The following LDB3 variants were observed in gnomAD, a reference collection of about 807,000 sequenced individuals.
LDB3 encodes LIM domain-binding protein 3.
Under a neutral mutation model 69.0 loss-of-function variants are expected in LDB3, and 49 were observed. The ratio of observed to expected loss-of-function variants is 0.71; its 90% CI spans 0.56 to 0.90. The LOEUF is 0.90. LDB3 is among the 40% of genes least tolerant of loss of function. The pLI is 0.00. For synonymous variants in LDB3, 387 were observed against 396.2 expected, an observed-to-expected ratio of 0.98 and a Z score of 0.28; for missense variants, 928 against 974.1, an observed-to-expected ratio of 0.95 and a Z score of 0.63.
upstream of LDB3, among the ~76,000 whole-genome samples, chr10:86,668,027 G>C (rs1200741480): frequency 6.6e-6 from 1 of 152,212 alleles, no homozygotes; most frequent in Non-Finnish European, 1.5e-5. Flanking sequence ...ACTGAGGTTG[G>C]CTATGCCCAG....
intron 2 of LDB3, among the ~76,000 whole-genome samples, chr10:86,674,977 A>T (rs567992781): frequency 1.3e-5 from 2 of 151,554 alleles, no homozygotes; most frequent in East Asian, 4.0e-4. Context: ...TCCCTAGAGG[A>T]GGATATCAGC....
rs769237064 is a variant in LDB3 at position 86,728,586 on chromosome 10, G to GTTTTTTTTTTGTT, written c.2094+2344_2094+2345insGTTTTTTTTTTTT. Reference sequence around the variant, plus strand: ...TAGCAAAGTGGAACATGGTTCTTTTGTTTTTTTTTTTTTTTGAGACAAAGT... The same window carrying GTTTTTTTTTTGTT: ...TAGCAAAGTGGAACATGGTTCTTTTGTTTTTTTTTTGTTTTTTTTTTTTTTTTTGAGACAAAGT... On this transcript the variant is annotated intron_variant, in intron 13 of 13. Transcript: ENST00000361373. Among the ~76,000 whole-genome samples, 436 of 131,434 alleles carry GTTTTTTTTTTGTT rather than the reference G, an allele frequency of 3.3e-3. 5 individuals carry two copies. The highest frequency in any genetic ancestry group is 0.012 in the African/African-American group (414 of 35,382). The allele number at this position is 131,434 out of a possible 152,430, so 86.2% of individuals were successfully genotyped here. A position where few individuals can be genotyped will look rare whatever the true frequency, so the allele number is the denominator to read the frequency against.
rs1351643392 is a variant in LDB3 at position 86,735,627 on chromosome 10, CA to C, written c.*2655del. The C allele has an allele frequency of 4.0e-5, 6 of 151,670 alleles. No homozygotes were observed. Among genetic ancestry groups the C allele is most frequent in the Non-Finnish European group, 8.8e-5 (6 of 67,912 alleles). 9.4% of individuals were successfully genotyped at this position (151,670 alleles called of 1,614,324 possible). A position where few individuals can be genotyped will look rare whatever the true frequency, so the allele number is the denominator to read the frequency against. On this transcript the variant is annotated 3_prime_UTR_variant, in exon 14 of 14. Transcript: ENST00000361373. ...AAACCCCATCTCTACTAAAAATACA[CA>C]AAATTAGCCAGGTGTGGTGGCAGGC...
chr10:86,728,596 T>TTGTTTTTTTTTTTG (rs199567287), intron 13 of LDB3, among the ~76,000 whole-genome samples: 4 of 149,218 alleles, frequency 2.7e-5, no homozygotes, highest in African/African-American at 9.9e-5. Flanking sequence ...GTTTTTTTTT[T>TTGTTTTTTTTTTTG]TTTTTGAGAC....
At chr10:86,682,543 G>A (rs1481838836) in intron 5 of LDB3, among the ~76,000 whole-genome samples, 1 of 152,136 alleles carries the variant, frequency 6.6e-6, no homozygotes, top group African/African-American at 2.4e-5. Context: ...CCCACACTGG[G>A]CCTGTGTTAG....
chr10:86,669,409 G>A (rs1021970992), intron 2 of LDB3, among the ~76,000 whole-genome samples: 1 of 152,218 alleles, frequency 6.6e-6, no homozygotes, highest in Admixed American at 6.5e-5. Context: ...CAAGTGCTGG[G>A]GCCTGGTGAG....
At chr10:86,682,012 C>G (rs918449018) in intron 5 of LDB3, among the ~76,000 whole-genome samples, 2 of 152,160 alleles carry the variant, frequency 1.3e-5, no homozygotes, top group South Asian at 2.1e-4. Context: ...GGTGACATGT[C>G]GGATTTTGCA....
chr10:86,672,495 G>A (rs1007655433), intron 2 of LDB3, among the ~76,000 whole-genome samples: 2 of 152,224 alleles, frequency 1.3e-5, no homozygotes, highest in African/African-American at 2.4e-5. Flanking sequence ...CTGGAATTTC[G>A]GGGCCGCTGG....
At chr10:86,728,412 G>C (rs1847336064) in intron 13 of LDB3, among the ~76,000 whole-genome samples, 1 of 152,296 alleles carries the variant, frequency 6.6e-6, no homozygotes, top group Admixed American at 6.5e-5. Context: ...AAAGCTTGGG[G>C]TGGCTAAGGC....
intron 5 of LDB3, among the ~76,000 whole-genome samples, chr10:86,691,276 TGCA>T (rs1232392143): frequency 6.6e-6 from 1 of 152,204 alleles, no homozygotes; most frequent in East Asian, 1.9e-4. Context: ...GTGGCTTCCA[TGCA>T]GCCCCACTCC....
chr10:86,677,969 G>A (rs1016823135), intron 2 of LDB3, among the ~76,000 whole-genome samples: 1 of 152,238 alleles, frequency 6.6e-6, no homozygotes, highest in Admixed American at 6.5e-5. Context: ...TCTGAAAAGT[G>A]CTCCATAGCT....
intron 7 of LDB3, among the ~76,000 whole-genome samples, chr10:86,702,892 C>A (rs1336591254): frequency 6.6e-6 from 1 of 152,156 alleles, no homozygotes; most frequent in Non-Finnish European, 1.5e-5. Flanking sequence ...TCAGCAAGAA[C>A]CCCAAGCAGC....
At chr10:86,711,832 G>C (rs1465112497) in intron 9 of LDB3, among the ~76,000 whole-genome samples, 1 of 149,932 alleles carries the variant, frequency 6.7e-6, no homozygotes, top group Non-Finnish European at 1.5e-5. Flanking sequence ...CGGGCCGGGC[G>C]GCGGCCAGGC....
intron 2 of LDB3, among the ~76,000 whole-genome samples, chr10:86,673,655 T>A (rs1239296358): frequency 2.0e-5 from 3 of 152,164 alleles, no homozygotes; most frequent in South Asian, 2.1e-4. Flanking sequence ...GACAGTAATT[T>A]AATCATACAA....
rs532856980 is a variant in LDB3 at position 86,699,622 on chromosome 10, G to A, written c.897-6909G>A. On this transcript the variant is annotated intron_variant, in intron 7 of 13. Transcript: ENST00000361373. This position sits in a 1 kb window ranked among gnomAD's most constrained non-coding sequence, Gnocchi z 4.9. The stretch of plus-strand genomic sequence containing the variant: ...ACCCTCGCCACCCCCCAAATAGCCC[G>A]TAGCCCAATCCCCTGCCCTCTGCAC... 1.7e-5 allele frequency: 23 copies of A among 1,363,794 alleles called. 1 individual carries two copies. The highest frequency in any genetic ancestry group is 2.8e-4 in the Middle Eastern group (1 of 3,544). The allele number at this position is 1,363,794 out of a possible 1,614,324, so 84.5% of individuals were successfully genotyped here.
chr10:86,720,157 C>A (rs887907429), intron 12 of LDB3, among the ~76,000 whole-genome samples: 2 of 152,066 alleles, frequency 1.3e-5, no homozygotes, highest in Admixed American at 1.3e-4. Flanking sequence ...AGAAAATAAA[C>A]GTTTTGGCTG....
intron 9 of LDB3, among the ~76,000 whole-genome samples, chr10:86,714,487 A>G (rs185485536): frequency 1.3e-5 from 2 of 152,014 alleles, no homozygotes; most frequent in East Asian, 3.9e-4. Flanking sequence ...ACCGATTCAG[A>G]TGACAGATGC....
chr10:86,716,278 G>A, intron 9 of LDB3, 49 bp from the exon 10 acceptor site: 1 of 1,601,238 alleles, frequency 6.2e-7, no homozygotes, highest in Non-Finnish European at 8.5e-7. Flanking sequence ...GAACTGGGAA[G>A]AATGAATTCC....
intron 2 of LDB3, 31 bp downstream of exon 2, chr10:86,668,815 G>A (rs764695518): frequency 1.1e-4 from 169 of 1,521,416 alleles, no homozygotes; most frequent in South Asian, 1.7e-4. Context: ...CCTGGCACCC[G>A]ATGGGGCAGG....
Sources: allele counts gnomAD v4.1 joint callset (sites outside exome capture counted in the v4.1 genomes callset), GRCh38; gene constraint gnomAD v4.1.1; non-coding constraint Gnocchi (gnomAD v3.1); transcripts MANE v1.5; gene names NCBI Gene and HGNC (gene_info 2026-07-23, HGNC 2026-07-21).